The following CFAP43 variants were observed in gnomAD, a reference collection of about 807,000 sequenced individuals.
CFAP43 encodes the protein cilia and flagella associated protein 43.
In CFAP43, 155 loss-of-function variants were observed where a neutral mutation model predicts 218.9. The ratio of observed to expected loss-of-function variants is 0.71; its 90% CI spans 0.62 to 0.81. The LOEUF (loss-of-function observed/expected upper bound fraction) is 0.81. Among genes scored for constraint, CFAP43 ranks in the 30% least tolerant of loss-of-function variants. The pLI is 0.00. For synonymous variants in CFAP43, 645 were observed against 681.3 expected (o/e 0.95, Z 0.83); for missense variants, 1,778 against 1,954.3 (o/e 0.91, Z 1.70).
chr10:104,145,505 T>C lies in CFAP43; in HGVS notation c.3915A>G (p.Ile1305Met), dbSNP rs2087920964. Reference sequence around the variant, plus strand: ...GTCGGCGTTTAAAAAGTTTGTAGAGTATATCCACTTGATGACCAGGAATTT... The same window carrying C: ...GTCGGCGTTTAAAAAGTTTGTAGAGCATATCCACTTGATGACCAGGAATTT... ...FSEIPGHQVD[I>M]LYKLFKRRPR... is the part of the protein sequence containing the mutation. Residue 1305 changes from isoleucine to methionine, a missense_variant, in exon 31 of 38, where the codon ATA becomes ATG. Physicochemically the swap from Ile to Met is conservative, Grantham distance 10. This residue lies in a region of CFAP43 where 1,553 missense variants were observed against 1,685.2 expected (regional missense o/e 0.92). Transcript: ENST00000357060. 17 of 1,605,362 alleles carry C rather than the reference T, an allele frequency of 1.1e-5. No homozygotes were observed. Among genetic ancestry groups the C allele is most frequent in the Non-Finnish European group, 1.4e-5 (16 of 1,173,806 alleles).
chr10:104,142,338 ACT>A lies in CFAP43; in HGVS notation c.4212_4213del (p.Arg1404SerfsTer2), dbSNP rs774677654. 6.2e-7 allele frequency: 1 copy of A among 1,613,088 alleles called. No individual in the cohort carries two copies. The highest frequency in any genetic ancestry group is 8.5e-7 in the Non-Finnish European group (1 of 1,179,590). On this transcript the variant is annotated frameshift_variant, in exon 33 of 38. Coordinates refer to ENST00000357060, the MANE Select transcript of CFAP43 (RefSeq NM_025145.7). LOFTEE classifies it high-confidence loss of function. ...CTGTTGCACCTTCTCTTCCTCCTCA[ACT>A]CTCTTCTGGAGGAAAGTTGCCATTT...
rs140975373 is a variant in CFAP43, at chr10:104,230,045, A to G, written c.319+545T>C. Reference sequence around the variant, plus strand: ...ATGTGGGAGCCAAGTTTCTGCATTTATAACAAGCTTCCCAGGTAGCACCAA... The same window carrying G: ...ATGTGGGAGCCAAGTTTCTGCATTTGTAACAAGCTTCCCAGGTAGCACCAA... On this transcript the variant is annotated intron_variant, in intron 2 of 37. Coordinates refer to ENST00000357060, the MANE Select transcript of CFAP43 (RefSeq NM_025145.7). Among the ~76,000 whole-genome samples, 757 of 152,326 alleles carry G rather than the reference A, an allele frequency of 5.0e-3. 4 individuals carry two copies. Among genetic ancestry groups the G allele is most frequent in the African/African-American group, 0.017 (707 of 41,570 alleles).
intron 34 of CFAP43, among the ~76,000 whole-genome samples, chr10:104,136,814 T>G (rs2087475578): frequency 1.3e-5 from 2 of 152,110 alleles, no homozygotes; most frequent in African/African-American, 4.8e-5. Context: ...GGCAAAAGAC[T>G]TCAGTAGTCA....
chr10:104,218,347 CAA>C (rs68078522), intron 3 of CFAP43, among the ~76,000 whole-genome samples: 1 of 98,706 alleles, frequency 1.0e-5, no homozygotes, highest in Non-Finnish European at 2.3e-5. Flanking sequence ...GACTGTGTCT[CAA>C]AAAAAAAAAA....
At chr10:104,172,560 G>T in intron 19 of CFAP43, 25 bp from the exon 20 acceptor site, 2 of 1,560,542 alleles carry the variant, frequency 1.3e-6, no homozygotes, top group Non-Finnish European at 1.7e-6. Flanking sequence ...AAAAAAGAGT[G>T]CTGACAAGTA....
Position 104,131,406 on chromosome 10 carries a change from T to G in CFAP43, c.4756A>C (p.Asn1586His). The G allele has an allele frequency of 1.2e-6, 2 of 1,613,838 alleles. No individual in the cohort carries two copies. Among genetic ancestry groups the G allele is most frequent in the South Asian group, 2.2e-5 (2 of 91,002 alleles). Residue 1586 changes from asparagine (N) to histidine (H), a missense_variant, in exon 37 of 38, where the codon AAT becomes CAT. Around this residue, in one of 3 missense-constraint regions of CFAP43, gnomAD observed 211 missense variants for 230.6 expected, o/e 0.91. Transcript: ENST00000357060. ...CGTAGATTGCAGCTTAGGGCATAAT[T>G]TGCTATATCTTTTTGATTGCTGAAC... ...GKFSNQKDIA[N>H]YALSCNLREE...
In CFAP43 at chr10:104,168,799, T is replaced by G. The variant is rs1364945665; in HGVS notation, c.2636A>C (p.Glu879Ala). The G allele has an allele frequency of 3.1e-6, 5 of 1,614,008 alleles. No homozygotes were observed. In the African/African-American group the frequency reaches 6.7e-5, roughly 22 times the overall value. The change falls in exon 21 of 38, where the codon GAA becomes GCA. Residue 879 changes from glutamate (E) to alanine (A), a missense_variant. Around this residue, in one of 3 missense-constraint regions of CFAP43, gnomAD observed 1,553 missense variants for 1,685.2 expected, o/e 0.92. Transcript: ENST00000357060. Reference sequence around the variant, plus strand: ...ATTCCAACATTCTTCTTTGATAAGTTCAGCCAAATAGCTCTTGGCTAAGTT... The same window carrying G: ...ATTCCAACATTCTTCTTTGATAAGTGCAGCCAAATAGCTCTTGGCTAAGTT... ...MHNLAKSYLA[E>A]LIKEECWNSM...
chr10:104,203,627 A>C (rs2090596501), intron 8 of CFAP43, 45 bp downstream of exon 8: 4 of 1,561,194 alleles, frequency 2.6e-6, no homozygotes, highest in East Asian at 4.5e-5. Context: ...GATGATAATA[A>C]TACTATCTGA....
At chr10:104,150,099 T>C (rs1315692223) in intron 28 of CFAP43, among the ~76,000 whole-genome samples, 1 of 151,986 alleles carries the variant, frequency 6.6e-6, no homozygotes, top group Non-Finnish European at 1.5e-5. Flanking sequence ...GGTTCATCCA[T>C]GTTGTACCAT....
In CFAP43 at chr10:104,161,981, T is replaced by C; in HGVS notation, c.3394A>G (p.Lys1132Glu). The change falls in exon 26 of 38, where the codon AAG becomes GAG. Residue 1132 changes from lysine to glutamate, a missense_variant. By Grantham distance (56) the Lys-to-Glu change is moderately conservative. This residue lies in a region of CFAP43 where 1,553 missense variants were observed against 1,685.2 expected (regional missense o/e 0.92). Coordinates refer to ENST00000357060, the MANE Select transcript of CFAP43 (RefSeq NM_025145.7). The stretch of plus-strand genomic sequence containing the variant: ...ATCACCATTCTCAAAATATCTTCCT[T>C]CTTGACTTCCAGAACTCCTCCCATC... ...DMMGGVLEVKKEDILRMVIPQ... is the reference protein window; with the variant it reads ...DMMGGVLEVKEEDILRMVIPQ... The C allele has an allele frequency of 1.9e-6, 3 of 1,613,760 alleles. No individual in the cohort carries two copies. Among genetic ancestry groups the C allele is most frequent in the Middle Eastern group, 1.6e-4 (1 of 6,062 alleles).
Position 104,161,099 on chromosome 10 carries a change from G to C in CFAP43, c.3478C>G (p.Gln1160Glu), listed in dbSNP as rs1220619455. Residue 1160 changes from glutamine (Q) to glutamate (E), a missense_variant, in exon 27 of 38, where the codon CAA becomes GAA. Transcript: ENST00000357060. Reference sequence around the variant, plus strand: ...ACTTTTTTCTCATAATCTTTGAATTGTTTTCTTTCTTCTTCAGTCCACACA... The same window carrying C: ...ACTTTTTTCTCATAATCTTTGAATTCTTTTCTTTCTTCTTCAGTCCACACA... ...DAVWTEEERK[Q>E]FKDYEKKVKE... 1 of 1,613,110 alleles carries C rather than the reference G, an allele frequency of 6.2e-7. No homozygotes were observed.
At chr10:104,136,498 G>A (rs981777705) in intron 34 of CFAP43, among the ~76,000 whole-genome samples, 4 of 151,838 alleles carry the variant, frequency 2.6e-5, no homozygotes, top group African/African-American at 9.7e-5. Context: ...AGCCTCCTGA[G>A]TGGCTGGGAT....
chr10:104,182,926 A>G (rs1025961113), intron 16 of CFAP43, among the ~76,000 whole-genome samples: 5 of 152,004 alleles, frequency 3.3e-5, no homozygotes, highest in African/African-American at 1.2e-4. Context: ...CCAGGCCATG[A>G]CAAGCTTCTT....
chr10:104,207,017 T>C (rs1267788495), intron 6 of CFAP43, among the ~76,000 whole-genome samples: 1 of 151,812 alleles, frequency 6.6e-6, no homozygotes. Context: ...CTACTAAAAA[T>C]ACAAAAATTA....
intron 29 of CFAP43, 139 bp downstream of exon 29, chr10:104,147,752 C>T: frequency 6.5e-6 from 3 of 460,818 alleles, no homozygotes; most frequent in Non-Finnish European, 1.1e-5. Flanking sequence ...AAGTTCCAGA[C>T]AGGGAGCCAA....
chr10:104,208,866 G>A (rs929683328), intron 5 of CFAP43, among the ~76,000 whole-genome samples: 2 of 152,066 alleles, frequency 1.3e-5, no homozygotes, highest in Non-Finnish European at 2.9e-5. Context: ...TCCAATTTCT[G>A]CCCAGATAAC....
At position 104,185,078 on chromosome 10, in the gene CFAP43, C is replaced by T. The variant is rs778981157; in HGVS notation, c.2079G>A (p.Met693Ile). The change falls in exon 16 of 38, where the codon ATG (methionine) becomes ATA (isoleucine). Residue 693 changes from methionine (M) to isoleucine (I), a missense_variant. Transcript: ENST00000357060. ...CATTCACCAGAATGTTTTGTCCATCCATTGAAATTCTCATTGACTGAATCC... is the reference window on the plus strand; with the variant it reads ...CATTCACCAGAATGTTTTGTCCATCTATTGAAATTCTCATTGACTGAATCC... The part of the protein sequence containing the change: ...GHGIQSMRIS[M>I]DGQNILVNGR... 2 of 1,614,156 alleles carry T rather than the reference C, an allele frequency of 1.2e-6. No homozygotes were observed. The highest frequency in any genetic ancestry group is 2.2e-5 in the South Asian group (2 of 91,080).
chr10:104,216,324 C>G (rs1353850210), intron 3 of CFAP43, among the ~76,000 whole-genome samples: 1 of 152,208 alleles, frequency 6.6e-6, no homozygotes, highest in Non-Finnish European at 1.5e-5. Context: ...TGGAATCACT[C>G]TTAGACTCTC....
chr10:104,185,166 AC>A lies in CFAP43; in HGVS notation c.2011-21del. 1 of 1,612,866 alleles carries A rather than the reference AC, an allele frequency of 6.2e-7. No homozygotes were observed. The highest frequency in any genetic ancestry group is 1.7e-5 in the Admixed American group (1 of 59,878). ...TGTTTCCTCAATAGTTAAGAAATAA[AC>A]CAGAAAAATTACAAATGCAATTCTA... On this transcript the variant is annotated intron_variant, in intron 15 of 37. Transcript: ENST00000357060.
Sources: allele counts gnomAD v4.1 joint callset (sites outside exome capture counted in the v4.1 genomes callset), GRCh38; gene constraint gnomAD v4.1.1; regional missense constraint gnomAD v4.1.1; transcripts MANE v1.5; gene names NCBI Gene and HGNC (gene_info 2026-07-23, HGNC 2026-07-21).